Variants in RIMS2 observed in about 807,000 individuals in gnomAD.
The protein encoded by RIMS2 is regulating synaptic membrane exocytosis 2.
Under a neutral mutation model 174.4 loss-of-function variants are expected in RIMS2, and 59 were observed. The observed-to-expected ratio is 0.34, with a 90% CI of 0.27 to 0.42. The LOEUF (loss-of-function observed/expected upper bound fraction) is 0.42. Among genes scored for constraint, RIMS2 ranks in the 10% least tolerant of loss-of-function variants. The probability of loss-of-function intolerance (pLI) is 1.00; values close to 1 mark genes in which losing one functional copy is unlikely to be tolerated. For missense variants in RIMS2, 1,620 were observed against 1,666.3 expected, an observed-to-expected ratio of 0.97 and a Z score of 0.48; for synonymous variants, 606 against 572.5, an observed-to-expected ratio of 1.06 and a Z score of -0.84.
At chr8:104,013,041 A>G (rs1363960056) in intron 17 of RIMS2, among the ~76,000 whole-genome samples, 1 of 152,188 alleles carries the variant, frequency 6.6e-6, no homozygotes, top group African/African-American at 2.4e-5. Flanking sequence ...ATAGTACTAA[A>G]CAGCTTCAGG....
chr8:104,081,974 T>C (rs1342122134), intron 19 of RIMS2, among the ~76,000 whole-genome samples: 1 of 151,956 alleles, frequency 6.6e-6, no homozygotes, highest in Non-Finnish European at 1.5e-5. Flanking sequence ...ATTTGAATAT[T>C]TTTTTTTCAA....
At chr8:104,136,792 T>C (rs1305179924) in intron 19 of RIMS2, among the ~76,000 whole-genome samples, 1 of 151,934 alleles carries the variant, frequency 6.6e-6, no homozygotes, top group Non-Finnish European at 1.5e-5. Context: ...CACTGGAGCC[T>C]TTTGGAGGGT....
chr8:104,230,567 A>C (rs911101690), intron 19 of RIMS2, among the ~76,000 whole-genome samples: 3 of 151,774 alleles, frequency 2.0e-5, no homozygotes, highest in Non-Finnish European at 4.4e-5. Flanking sequence ...AATCGCTTGA[A>C]CCCTGGAGGC....
intron 9 of RIMS2, 74 bp downstream of exon 12, chr8:103,918,561 T>A: frequency 2.0e-6 from 2 of 1,008,602 alleles, no homozygotes; most frequent in Non-Finnish European, 3.2e-6. Context: ...AGTATTTAAC[T>A]AGTAATGTGA....
rs1186385162 is a variant in RIMS2, at chr8:103,604,031, T to G, written c.177-93055T>G. 2.0e-5 allele frequency among the ~76,000 whole-genome samples: 3 copies of G among 150,508 alleles called. No homozygotes were observed. The East Asian group carries it at 5.8e-4, about 29-fold the overall frequency. ...GATCCCATTTGTCTATTTTGTCTTT[T>G]GTTGCCATTGCTTTTGGTGTTTTAG... is the stretch of plus-strand genomic sequence containing the variant. On this transcript the variant is annotated intron_variant, in intron 1 of 23. Coordinates refer to ENST00000504942, the Ensembl canonical transcript of RIMS2.
At chr8:103,827,793 C>G (rs1050505569) in intron 3 of RIMS2, among the ~76,000 whole-genome samples, 3 of 151,968 alleles carry the variant, frequency 2.0e-5, no homozygotes, top group African/African-American at 7.3e-5. Flanking sequence ...TGAGATCGTG[C>G]CACTGTACTC....
intron 19 of RIMS2, among the ~76,000 whole-genome samples, chr8:104,072,109 A>G (rs2097206734): frequency 6.6e-6 from 1 of 152,162 alleles, no homozygotes; most frequent in Non-Finnish European, 1.5e-5. Flanking sequence ...GTACCACAAC[A>G]AAGCATTTCT....
intron 3 of RIMS2, among the ~76,000 whole-genome samples, chr8:103,817,984 TAATA>T (rs1182131413): frequency 6.6e-6 from 1 of 151,790 alleles, no homozygotes; most frequent in East Asian, 1.9e-4. Flanking sequence ...AAATCTGAAA[TAATA>T]AATAATAGTG....
chr8:103,636,786 G>GCC (rs1353500438), intron 1 of RIMS2, among the ~76,000 whole-genome samples: 16 of 27,186 alleles, frequency 5.9e-4, no homozygotes, highest in East Asian at 1.3e-3. Context: ...ACCCACCCCC[G>GCC]CACCCCCCCC....
At chr8:103,833,543 G>A (rs761421599) in intron 3 of RIMS2, among the ~76,000 whole-genome samples, 3 of 151,356 alleles carry the variant, frequency 2.0e-5, no homozygotes, top group Non-Finnish European at 1.5e-5. Flanking sequence ...TTATCCCATC[G>A]GTTCTTGGAA....
At chr8:104,035,297 A>C (rs995150800) in intron 19 of RIMS2, among the ~76,000 whole-genome samples, 2 of 151,884 alleles carry the variant, frequency 1.3e-5, no homozygotes, top group Admixed American at 6.6e-5. Flanking sequence ...CTTTGCTGAT[A>C]TACTGTATGA....
At chr8:103,691,873 G>A (rs1244806563) in intron 1 of RIMS2, among the ~76,000 whole-genome samples, 9 of 152,084 alleles carry the variant, frequency 5.9e-5, no homozygotes, top group Non-Finnish European at 2.9e-5. Context: ...GTATTGTGAT[G>A]TATGTCTTAG....
intron 17 of RIMS2, among the ~76,000 whole-genome samples, chr8:103,996,746 C>T (rs2095126225): frequency 6.6e-6 from 1 of 151,836 alleles, no homozygotes; most frequent in Non-Finnish European, 1.5e-5. Flanking sequence ...AACAAGCACT[C>T]ATATCCTCAG....
intron 3 of RIMS2, among the ~76,000 whole-genome samples, chr8:103,771,093 C>T (rs1038610943): frequency 7.9e-5 from 12 of 152,152 alleles, no homozygotes; most frequent in Non-Finnish European, 1.8e-4. Context: ...GGTTTTGGTA[C>T]AGTGTTTTAC....
chr8:103,806,854 G>A (rs1038698944), intron 3 of RIMS2, among the ~76,000 whole-genome samples: 1 of 152,072 alleles, frequency 6.6e-6, no homozygotes, highest in Admixed American at 6.6e-5. Context: ...AAGCAAAAGA[G>A]ATATCAAGGT....
chr8:103,773,194 A>T lies in RIMS2; in HGVS notation c.698+6657A>T, dbSNP rs559436086. Among the ~76,000 whole-genome samples, 4 of 152,306 alleles carry T rather than the reference A, an allele frequency of 2.6e-5. 1 individual carries two copies. The East Asian group carries it at 7.7e-4, about 29-fold the overall frequency. On this transcript the variant is annotated intron_variant, in intron 3 of 23. Coordinates refer to ENST00000504942, the Ensembl canonical transcript of RIMS2. ...CTTCATCAAAATAAAAACTTTATTC[A>T]TTGAGACACCATTAAGACACTGTAT...
At chr8:104,188,137 G>A (rs1033993461) in intron 19 of RIMS2, among the ~76,000 whole-genome samples, 4 of 151,522 alleles carry the variant, frequency 2.6e-5, no homozygotes, top group Non-Finnish European at 5.9e-5. Context: ...TGGTACTAAA[G>A]GTATAGAGAG....
In RIMS2 at chr8:104,053,364, C is replaced by T. The variant is rs542294132; in HGVS notation, c.3334+38749C>T. Among the ~76,000 whole-genome samples the T allele has an allele frequency of 2.6e-5, 4 of 152,244 alleles. No homozygotes were observed. The East Asian group carries it at 7.7e-4, about 29-fold the overall frequency. ...TAAAAACTCATTGTTTTTATTCTAG[C>T]TGCAATAGGTCCCACTTAAAAAACT... On this transcript the variant is annotated intron_variant, in intron 19 of 23. Coordinates refer to ENST00000504942, the Ensembl canonical transcript of RIMS2.
At chr8:104,045,457 A>G (rs112208726) in intron 19 of RIMS2, among the ~76,000 whole-genome samples, 7 of 151,892 alleles carry the variant, frequency 4.6e-5, no homozygotes, top group African/African-American at 1.7e-4. Context: ...TAATTGTTAA[A>G]CAAGTCTAAT....
Sources: gnomAD v4.1 joint callset for allele counts (sites outside exome capture counted in the v4.1 genomes callset) on GRCh38, gnomAD v4.1.1 for gene constraint, MANE v1.5 for transcripts, NCBI Gene and HGNC (gene_info 2026-07-23, HGNC 2026-07-21) for gene names.